The following FBXO45 variants were observed in gnomAD, a reference collection of about 807,000 sequenced individuals.
FBXO45 encodes F-box protein 45.
A neutral mutation model predicts 25.5 loss-of-function variants in FBXO45; 3 were observed. That is an observed-to-expected ratio of 0.12 (90% CI 0.05 to 0.30). The LOEUF is 0.30. Ranked by LOEUF, FBXO45 falls within the 10% of genes least tolerant of loss-of-function variation. The probability of loss-of-function intolerance (pLI) is 1.00; values close to 1 mark genes in which losing one functional copy is unlikely to be tolerated. For missense variants in FBXO45, 219 were observed against 365.0 expected (o/e 0.60, Z 3.26); for synonymous variants, 155 against 149.8 (o/e 1.03, Z -0.25).
At position 196,569,162 on chromosome 3, in the gene FBXO45, G is replaced by A. The variant is rs1277081489; in HGVS notation, c.178G>A (p.Ala60Thr). 2 of 1,552,760 alleles carry A rather than the reference G, an allele frequency of 1.3e-6. No individual in the cohort carries two copies. Among genetic ancestry groups the A allele is most frequent in the East Asian group, 2.4e-5 (1 of 41,062 alleles). ...YLELSELRSCALVCKHWYRCL... is the reference protein window; with the variant it reads ...YLELSELRSCTLVCKHWYRCL... Reference sequence around the variant, plus strand: ...GGAGCTGTCCGAGCTGCGGAGCTGCGCCCTGGTGTGCAAGCACTGGTACCG... The same window carrying A: ...GGAGCTGTCCGAGCTGCGGAGCTGCACCCTGGTGTGCAAGCACTGGTACCG... Residue 60 changes from alanine (A) to threonine (T), a missense_variant, in exon 1 of 3, where the codon GCC becomes ACC. By Grantham distance (58) the Ala-to-Thr change is moderately conservative. Around this residue, in one of 4 missense-constraint regions of FBXO45, gnomAD observed 138 missense variants for 157.3 expected, o/e 0.88. Coordinates refer to ENST00000311630, the MANE Select transcript of FBXO45 (RefSeq NM_001105573.2). The surrounding 1 kb of genome is among the most constrained non-coding windows in gnomAD (Gnocchi z 4.1).
At chr3:196,579,731 A>G (rs1735976433) in intron 2 of FBXO45, among the ~76,000 whole-genome samples, 9 of 152,220 alleles carry the variant, frequency 5.9e-5, no homozygotes, top group Admixed American at 5.9e-4. Context: ...TAAGAGGAGT[A>G]TTGAAATCTC....
chr3:196,579,621 T>C (rs1735974766), intron 2 of FBXO45, among the ~76,000 whole-genome samples: 1 of 152,236 alleles, frequency 6.6e-6, no homozygotes, highest in Non-Finnish European at 1.5e-5. Flanking sequence ...ATTCTTTTGC[T>C]GAATGGAATA....
chr3:196,572,347 C>G (rs1365303970), intron 1 of FBXO45, among the ~76,000 whole-genome samples: 1 of 152,152 alleles, frequency 6.6e-6, no homozygotes, highest in Non-Finnish European at 1.5e-5. Flanking sequence ...AGATGTAAAA[C>G]CGCATCTGGT....
At chr3:196,580,054 G>A (rs946115146) in intron 2 of FBXO45, among the ~76,000 whole-genome samples, 8 of 151,302 alleles carry the variant, frequency 5.3e-5, no homozygotes, top group African/African-American at 1.5e-4. Context: ...GTGCAATGGC[G>A]CAATCTCGGC....
In FBXO45 at chr3:196,584,321, G is replaced by T. The variant is rs1369688062; in HGVS notation, c.*3G>T. ...TTGGAAAACCTTTGGACGGATGACA[G>T]TGGCTTTCTTGTGATGACAGACAGA... On this transcript the variant is annotated 3_prime_UTR_variant, in exon 3 of 3. Transcript: ENST00000311630. The surrounding 1 kb of genome is among the most constrained non-coding windows in gnomAD (Gnocchi z 4.3). 5.0e-6 allele frequency: 8 copies of T among 1,597,816 alleles called. No homozygotes were observed. The highest frequency in any genetic ancestry group is 6.8e-6 in the Non-Finnish European group (8 of 1,174,620).
chr3:196,569,367 C>G lies in FBXO45; in HGVS notation c.318+65C>G. On this transcript the variant is annotated intron_variant, in intron 1 of 2. Transcript: ENST00000311630. The surrounding 1 kb of genome is among the most constrained non-coding windows in gnomAD (Gnocchi z 4.1). ...CTCCCCGGCGTCGTTCGCGGTGTTT[C>G]TCATCCGAGCTTCTGAGTCAGAAGC... 7.1e-7 allele frequency: 1 copy of G among 1,415,684 alleles called. No individual in the cohort carries two copies. The allele number at this position is 1,415,684 out of a possible 1,614,324, so 87.7% of individuals were successfully genotyped here. A position where few individuals can be genotyped will look rare whatever the true frequency, so the allele number is the denominator to read the frequency against.
At chr3:196,572,182 CA>C (rs760132984) in intron 1 of FBXO45, among the ~76,000 whole-genome samples, 1 of 152,068 alleles carries the variant, frequency 6.6e-6, no homozygotes, top group African/African-American at 2.4e-5. Flanking sequence ...AGGGTTTGTA[CA>C]ACATATATTT....
intron 2 of FBXO45, among the ~76,000 whole-genome samples, chr3:196,582,443 A>G (rs1232346089): frequency 1.3e-5 from 2 of 152,210 alleles, no homozygotes; most frequent in African/African-American, 2.4e-5. Flanking sequence ...AAGGGAGGAA[A>G]AAAGCAGATG....
chr3:196,582,809 AT>A (rs1736036517), intron 2 of FBXO45, among the ~76,000 whole-genome samples: 1 of 152,212 alleles, frequency 6.6e-6, no homozygotes, highest in Non-Finnish European at 1.5e-5. Context: ...ATTATTCATG[AT>A]TCCACATTAC....
At chr3:196,580,648 T>TA (rs1735993519) in intron 2 of FBXO45, among the ~76,000 whole-genome samples, 1 of 152,208 alleles carries the variant, frequency 6.6e-6, no homozygotes, top group Non-Finnish European at 1.5e-5. Flanking sequence ...TTTAAGTGTT[T>TA]AGTTCATTTA....
intron 1 of FBXO45, among the ~76,000 whole-genome samples, chr3:196,570,876 T>C (rs1196413618): frequency 6.6e-6 from 1 of 152,064 alleles, no homozygotes; most frequent in Non-Finnish European, 1.5e-5. Context: ...CACGCCCGGC[T>C]AATTTTTTGT....
At chr3:196,581,223 C>CTTTTTTTTTTTTTTTTTCTTT (rs1736006137) in intron 2 of FBXO45, among the ~76,000 whole-genome samples, 1 of 63,670 alleles carries the variant, frequency 1.6e-5, no homozygotes, top group African/African-American at 7.0e-5. Context: ...TTTCTTTTTC[C>CTTTTTTTTTTTTTTTTTCTTT]TTTTTTTTTT....
rs1736148987 is a variant in FBXO45, at chr3:196,587,127, A to T, written c.*2809A>T. 1 of 152,194 alleles carries T rather than the reference A, an allele frequency of 6.6e-6. No homozygotes were observed. The highest frequency in any genetic ancestry group is 1.5e-5 in the Non-Finnish European group (1 of 68,034). The allele number at this position is 152,194 out of a possible 1,614,324, so 9.4% of individuals were successfully genotyped here. A position where few individuals can be genotyped will look rare whatever the true frequency, so the allele number is the denominator to read the frequency against. ...TTTGGTTGGTTAACGAAGCATGCAG[A>T]TGTGGAAGCAGACGTTACTATTATC... On this transcript the variant is annotated 3_prime_UTR_variant, in exon 3 of 3. Transcript: ENST00000311630.
chr3:196,583,208 A>G (rs1230330128), intron 2 of FBXO45, among the ~76,000 whole-genome samples: 1 of 152,170 alleles, frequency 6.6e-6, no homozygotes, highest in African/African-American at 2.4e-5. Flanking sequence ...TTTATGGCTG[A>G]ATAATATTCC....
intron 2 of FBXO45, among the ~76,000 whole-genome samples, chr3:196,582,620 CTTT>C (rs1315918307): frequency 7.1e-6 from 1 of 140,280 alleles, no homozygotes; most frequent in Admixed American, 7.1e-5. Flanking sequence ...ATGAAACATC[CTTT>C]TTTTTTTTTT....
In FBXO45 at chr3:196,585,108, A is replaced by G. The variant is rs1736082219; in HGVS notation, c.*790A>G. On this transcript the variant is annotated 3_prime_UTR_variant, in exon 3 of 3. Coordinates refer to ENST00000311630, the MANE Select transcript of FBXO45 (RefSeq NM_001105573.2). Reference sequence around the variant, plus strand: ...GGTTTGTTTTTGTTTTTACTCTCAAAATCATAGTAAAGATCTCTCAGTCTC... The same window carrying G: ...GGTTTGTTTTTGTTTTTACTCTCAAGATCATAGTAAAGATCTCTCAGTCTC... The G allele has an allele frequency of 6.6e-6, 1 of 152,174 alleles. No homozygotes were observed. Among genetic ancestry groups the G allele is most frequent in the African/African-American group, 2.4e-5 (1 of 41,420 alleles). 9.4% of individuals were successfully genotyped at this position (152,174 alleles called of 1,614,324 possible).
chr3:196,582,164 C>CAAAA (rs1397004377), intron 2 of FBXO45, among the ~76,000 whole-genome samples: 2 of 152,154 alleles, frequency 1.3e-5, no homozygotes, highest in African/African-American at 4.8e-5. Context: ...GGGCTTTGTG[C>CAAAA]GTGCTGTGTG....
At chr3:196,573,246 G>A (rs755705538) in intron 1 of FBXO45, among the ~76,000 whole-genome samples, 5 of 152,134 alleles carry the variant, frequency 3.3e-5, no homozygotes, top group Non-Finnish European at 7.3e-5. Context: ...GGAGGTTGGA[G>A]CTTAGAGGAG....
At chr3:196,571,393 A>AT (rs1370273900) in intron 1 of FBXO45, among the ~76,000 whole-genome samples, 1 of 151,992 alleles carries the variant, frequency 6.6e-6, no homozygotes, top group African/African-American at 2.4e-5. Flanking sequence ...ACACTGGCTA[A>AT]TTTTTTATTT....
Sources: allele counts gnomAD v4.1 joint callset (sites outside exome capture counted in the v4.1 genomes callset), GRCh38; gene constraint gnomAD v4.1.1; regional missense constraint gnomAD v4.1.1; non-coding constraint Gnocchi (gnomAD v3.1); transcripts MANE v1.5; gene names NCBI Gene and HGNC (gene_info 2026-07-23, HGNC 2026-07-21).